The following HPSE variants were observed in gnomAD, a reference collection of about 807,000 sequenced individuals.
HPSE encodes the protein endo-glucoronidase.
HPSE carries 48 observed loss-of-function variants against 65.1 expected under a neutral mutation model. The ratio of observed to expected loss-of-function variants is 0.74; its 90% CI spans 0.58 to 0.94. HPSE has a LOEUF of 0.94. Ranked by LOEUF, HPSE falls within the 40% of genes least tolerant of loss-of-function variation. HPSE has a pLI of 0.00. For missense variants in HPSE, 644 were observed against 637.5 expected (o/e 1.01, Z -0.11); for synonymous variants, 243 against 260.0 (o/e 0.93, Z 0.63).
rs1035101046 is a variant in HPSE at position 83,307,469 on chromosome 4, C to T, written c.1092-1152G>A. Among the ~76,000 whole-genome samples, 3 of 152,188 alleles carry T rather than the reference C, an allele frequency of 2.0e-5. No homozygotes were observed. The South Asian group carries it at 6.2e-4, about 32-fold the overall frequency. On this transcript the variant is annotated intron_variant, in intron 8 of 11. Transcript: ENST00000311412. ...ACATCTTTCCATATGATAACAAATC[C>T]TAGAAGACTATTACCATGCTAGAGG...
intron 9 of HPSE, among the ~76,000 whole-genome samples, chr4:83,303,635 A>AATTG (rs1229651338): frequency 6.6e-6 from 1 of 152,182 alleles, no homozygotes; most frequent in East Asian, 1.9e-4. Flanking sequence ...CTGCAGCCTC[A>AATTG]ACCTCCTGGG....
intron 3 of HPSE, 111 bp from the exon 4 acceptor site, chr4:83,313,398 A>G: frequency 1.6e-6 from 1 of 637,176 alleles, no homozygotes; most frequent in East Asian, 2.9e-5. Flanking sequence ...AAGAAATTCT[A>G]GTTCTAATAA....
intron 8 of HPSE, among the ~76,000 whole-genome samples, chr4:83,308,215 C>T (rs1290088627): frequency 6.6e-6 from 1 of 151,922 alleles, no homozygotes; most frequent in East Asian, 1.9e-4. Context: ...TCAGACCAGC[C>T]TGGGCAACAT....
At chr4:83,302,386 G>T in intron 9 of HPSE, 118 bp from the exon 10 acceptor site, 2 of 650,400 alleles carry the variant, frequency 3.1e-6, no homozygotes. Context: ...TTATCCTGGG[G>T]GCATTTAAAT....
rs769279640 is a variant in HPSE, at chr4:83,302,204, T to C, written c.1271A>G (p.Gln424Arg). 8 of 1,613,958 alleles carry C rather than the reference T, an allele frequency of 5.0e-6. No homozygotes were observed. The African/African-American group carries it at 1.1e-4, about 22-fold the overall frequency. Residue 424 changes from glutamine (Q) to arginine (R), a missense_variant, in exon 10 of 12, where the codon CAA (glutamine) becomes CGA (arginine). By Grantham distance (43) the Gln-to-Arg change is conservative. Coordinates refer to ENST00000311412, the MANE Select transcript of HPSE (RefSeq NM_001098540.3). ...VGTKVLMASV[Q>R]GSKRRKLRVY... ...TCGAAGCTTCCTTCTCTTTGAACCT[T>C]GCACGCTTGCCATTAACACCTTGGT... is the stretch of plus-strand genomic sequence containing the variant.
Position 83,308,894 on chromosome 4 carries a change from A to G in HPSE, c.1042T>C (p.Tyr348His). 6.2e-7 allele frequency: 1 copy of G among 1,614,202 alleles called. No individual in the cohort carries two copies. Among genetic ancestry groups the G allele is most frequent in the East Asian group, 2.2e-5 (1 of 44,882 alleles). ...KVWLGETSSA[Y>H]GGGAPLLSDT... The stretch of plus-strand genomic sequence containing the variant: ...GATAGCAAGGGCGCTCCGCCTCCAT[A>G]TGCAGAGCTTGTTTCTCCTAACCAG... Residue 348 changes from tyrosine to histidine, a missense_variant, in exon 8 of 12, where the codon TAT becomes CAT. Tyr to His is a moderately conservative substitution (Grantham distance 83). Transcript: ENST00000311412.
At chr4:83,314,461 G>A (rs1463009223) in intron 3 of HPSE, among the ~76,000 whole-genome samples, 1 of 152,128 alleles carries the variant, frequency 6.6e-6, no homozygotes, top group Non-Finnish European at 1.5e-5. Flanking sequence ...ATTAGGTTGT[G>A]TAGACCTTAC....
intron 2 of HPSE, among the ~76,000 whole-genome samples, chr4:83,320,079 A>G (rs1736827054): frequency 1.3e-5 from 2 of 152,076 alleles, no homozygotes; most frequent in Admixed American, 6.6e-5. Flanking sequence ...ACTCTAATGA[A>G]GAAAACATAG....
chr4:83,319,257 G>A lies in HPSE; in HGVS notation c.499+87C>T, dbSNP rs912317400. The stretch of plus-strand genomic sequence containing the variant: ...GTATTTTCAGCTTTATACAACTTCC[G>A]TAGGACTTGCTAGATTGGTGCCCGA... On this transcript the variant is annotated intron_variant, in intron 3 of 11. Coordinates refer to ENST00000311412, the MANE Select transcript of HPSE (RefSeq NM_001098540.3). The A allele has an allele frequency of 7.6e-5, 101 of 1,330,432 alleles. No individual in the cohort carries two copies. The African/African-American group carries it at 1.1e-3, about 15-fold the overall frequency. The allele number at this position is 1,330,432 out of a possible 1,614,324, so 82.4% of individuals were successfully genotyped here. A position where few individuals can be genotyped will look rare whatever the true frequency, so the allele number is the denominator to read the frequency against.
intron 9 of HPSE, among the ~76,000 whole-genome samples, chr4:83,303,032 AC>A (rs1202801951): frequency 6.6e-6 from 1 of 151,994 alleles, no homozygotes. Flanking sequence ...TATTCCCCCC[AC>A]CCCAATAAAG....
chr4:83,301,262 A>G (rs1735937641), intron 10 of HPSE, among the ~76,000 whole-genome samples, 156 bp from the exon 11 acceptor site: 1 of 152,126 alleles, frequency 6.6e-6, no homozygotes, highest in Admixed American at 6.5e-5. Flanking sequence ...CCCTCTTAGT[A>G]TCCTTCTTTT....
chr4:83,306,344 T>C lies in HPSE; in HGVS notation c.1092-27A>G, dbSNP rs758684848. ...TGGGACAGAGCAAGACCAAGCTTTC[T>C]TGAGGTTTGGAAACAAAATCGCTCA... is the stretch of plus-strand genomic sequence containing the variant. On this transcript the variant is annotated intron_variant, in intron 8 of 11. Transcript: ENST00000311412. The C allele has an allele frequency of 2.8e-5, 37 of 1,326,560 alleles. No individual in the cohort carries two copies. In the African/African-American group the frequency reaches 3.9e-4, roughly 14 times the overall value. The allele number at this position is 1,326,560 out of a possible 1,614,324, so 82.2% of individuals were successfully genotyped here. A position where few individuals can be genotyped will look rare whatever the true frequency, so the allele number is the denominator to read the frequency against.
At chr4:83,333,168 T>C (rs1027752928) in intron 1 of HPSE, among the ~76,000 whole-genome samples, 2 of 152,186 alleles carry the variant, frequency 1.3e-5, no homozygotes, top group African/African-American at 4.8e-5. Flanking sequence ...GGCTACCAAA[T>C]GCTCACCATG....
chr4:83,327,299 C>A (rs1364713969), intron 1 of HPSE, among the ~76,000 whole-genome samples: 1 of 152,208 alleles, frequency 6.6e-6, no homozygotes, highest in African/African-American at 2.4e-5. Context: ...CACTTGGACA[C>A]TGCCAAGTAC....
Position 83,334,848 on chromosome 4 carries a change from T to C in HPSE, c.-66A>G, listed in dbSNP as rs1578033592. On this transcript the variant is annotated 5_prime_UTR_variant, in exon 1 of 12. Transcript: ENST00000311412. Reference sequence around the variant, plus strand: ...AGCGGAGAGTCGAGAGCTCTAGCACTTCCTCCCGCCGAGCCCCAGCGCCCT... The same window carrying C: ...AGCGGAGAGTCGAGAGCTCTAGCACCTCCTCCCGCCGAGCCCCAGCGCCCT... The C allele has an allele frequency of 2.8e-6, 4 of 1,441,320 alleles. No homozygotes were observed. The East Asian group carries it at 7.6e-5, about 27-fold the overall frequency. The allele number at this position is 1,441,320 out of a possible 1,614,324, so 89.3% of individuals were successfully genotyped here.
intron 1 of HPSE, among the ~76,000 whole-genome samples, chr4:83,323,775 AAATGGGTGCCTATCATGTGCTTAG>A (rs1295761136): frequency 2.0e-5 from 3 of 152,334 alleles, no homozygotes; most frequent in East Asian, 3.9e-4. Flanking sequence ...AAAATGCTCC[AAATGGGTGCCTATCATGTGCTTAG>A]AATGGTACCA....
At chr4:83,332,155 G>A (rs924276421) in intron 1 of HPSE, among the ~76,000 whole-genome samples, 3 of 152,104 alleles carry the variant, frequency 2.0e-5, no homozygotes, top group Non-Finnish European at 2.9e-5. Flanking sequence ...TTGCCATCCC[G>A]CCCACACATC....
At chr4:83,323,502 AAAACACAC>A (rs1353048706) in intron 1 of HPSE, among the ~76,000 whole-genome samples, 1 of 35,678 alleles carries the variant, frequency 2.8e-5, no homozygotes, top group African/African-American at 1.2e-4. Context: ...AAGTCTATTT[AAAACACAC>A]ACACACACAC....
intron 11 of HPSE, among the ~76,000 whole-genome samples, chr4:83,297,184 G>A (rs1255094381): frequency 6.6e-6 from 1 of 152,110 alleles, no homozygotes; most frequent in Admixed American, 6.5e-5. Flanking sequence ...TAGCCTAGGA[G>A]CAACAGGCTA....
Sources: gnomAD v4.1 joint callset for allele counts (sites outside exome capture counted in the v4.1 genomes callset) on GRCh38, gnomAD v4.1.1 for gene constraint, MANE v1.5 for transcripts, NCBI Gene and HGNC (gene_info 2026-07-23, HGNC 2026-07-21) for gene names.